The following HTR4 variants were observed in gnomAD, a reference collection of about 807,000 sequenced individuals.
HTR4 encodes the protein 5-hydroxytryptamine receptor 4.
In HTR4, 16 loss-of-function variants were observed where a neutral mutation model predicts 36.8. The ratio of observed to expected loss-of-function variants is 0.43; its 90% confidence interval spans 0.29 to 0.66. HTR4 has a LOEUF of 0.66. Ranked by LOEUF, HTR4 falls within the 30% of genes least tolerant of loss-of-function variation. HTR4 has a pLI of 0.13. For synonymous variants in HTR4, 189 were observed against 185.1 expected (o/e 1.02, Z -0.17); for missense variants, 438 against 490.9 (o/e 0.89, Z 1.02).
chr5:148,570,776 T>C (rs543753262), intron 2 of HTR4, among the ~76,000 whole-genome samples: 1 of 152,134 alleles, frequency 6.6e-6, no homozygotes. Flanking sequence ...TTTTGACCTA[T>C]CTGGTGTATA....
intron 4 of HTR4, among the ~76,000 whole-genome samples, chr5:148,528,959 C>A (rs2113808011): frequency 1.4e-5 from 2 of 144,098 alleles, no homozygotes; most frequent in South Asian, 2.6e-4. Flanking sequence ...TTTTTGCCAT[C>A]AAGAATAATG....
chr5:148,616,762 G>T (rs1043511211), intron 2 of HTR4, among the ~76,000 whole-genome samples: 1 of 139,654 alleles, frequency 7.2e-6, no homozygotes, highest in Non-Finnish European at 1.7e-5. Context: ...TACATACACA[G>T]ACAGATTTTT....
chr5:148,488,005 GT>G (rs1007928710), intron 6 of HTR4, among the ~76,000 whole-genome samples: 1 of 152,290 alleles, frequency 6.6e-6, no homozygotes, highest in East Asian at 1.9e-4. Flanking sequence ...ACAGAGCAAT[GT>G]TTTTTTAGGT....
At chr5:148,637,978 C>T (rs911459831) in intron 1 of HTR4, among the ~76,000 whole-genome samples, 3 of 152,270 alleles carry the variant, frequency 2.0e-5, no homozygotes, top group African/African-American at 4.8e-5. Context: ...ACTCCTAGCT[C>T]TGATATTCTA....
chr5:148,537,147 GT>G (rs1437068957), intron 4 of HTR4, among the ~76,000 whole-genome samples: 40 of 152,222 alleles, frequency 2.6e-4, no homozygotes, highest in African/African-American at 8.2e-4. Flanking sequence ...GTGTGGGTAA[GT>G]AATAAGATTA....
chr5:148,472,618 G>A (rs1755597551), downstream of HTR4, among the ~76,000 whole-genome samples: 2 of 152,124 alleles, frequency 1.3e-5, no homozygotes, highest in South Asian at 4.1e-4. Context: ...ATGTCCTGTG[G>A]AAAAATGTAT....
chr5:148,505,534 A>T (rs1485080427), intron 6 of HTR4, among the ~76,000 whole-genome samples: 1 of 152,204 alleles, frequency 6.6e-6, no homozygotes, highest in Non-Finnish European at 1.5e-5. Flanking sequence ...GCAATCAGGC[A>T]GGAGAAAGAA....
At chr5:148,523,906 C>A (rs1264615795) in intron 4 of HTR4, among the ~76,000 whole-genome samples, 1 of 152,134 alleles carries the variant, frequency 6.6e-6, no homozygotes, top group Non-Finnish European at 1.5e-5. Context: ...CCAGGCATAG[C>A]TCTACATCTG....
intron 6 of HTR4, among the ~76,000 whole-genome samples, chr5:148,507,527 AAAAT>A (rs1272659618): frequency 1.3e-5 from 2 of 152,058 alleles, no homozygotes; most frequent in African/African-American, 2.4e-5. Context: ...GTATAATAAA[AAAAT>A]AAATAAAATA....
At chr5:148,606,296 A>C (rs1752160971) in intron 2 of HTR4, among the ~76,000 whole-genome samples, 1 of 152,142 alleles carries the variant, frequency 6.6e-6, no homozygotes. Context: ...TGTAGTTTAC[A>C]TGATACAGCT....
chr5:148,530,657 G>C (rs900457133), intron 4 of HTR4, among the ~76,000 whole-genome samples: 5 of 152,164 alleles, frequency 3.3e-5, no homozygotes, highest in African/African-American at 1.2e-4. Flanking sequence ...AGTCCCTACT[G>C]GGGCACCAAC....
intron 2 of HTR4, among the ~76,000 whole-genome samples, chr5:148,577,278 C>A (rs1461086448): frequency 6.6e-6 from 1 of 152,038 alleles, no homozygotes; most frequent in African/African-American, 2.4e-5. Flanking sequence ...TACTATCTCA[C>A]ATCAGTCACA....
intron 6 of HTR4, 88 bp from the exon 7 acceptor site, chr5:148,483,381 C>A: frequency 8.7e-7 from 1 of 1,150,286 alleles, no homozygotes; most frequent in Non-Finnish European, 1.3e-6. Flanking sequence ...ATGGCAGGAA[C>A]ACTCTGTGCC....
At position 148,637,031 on chromosome 5, in the gene HTR4, G is replaced by A. The variant is rs1259190763; in HGVS notation, c.-17C>T. ...TTTGTCCATTACAGGAAATAAGCAT[G>A]AGTGAGTTGGATTTCAATGCCCACA... On this transcript the variant is annotated 5_prime_UTR_variant, in exon 2 of 7. Coordinates refer to ENST00000377888, the MANE Select transcript of HTR4 (RefSeq NM_000870.7). The A allele has an allele frequency of 1.2e-6, 2 of 1,610,510 alleles. No homozygotes were observed. Among genetic ancestry groups the A allele is most frequent in the South Asian group, 2.2e-5 (2 of 90,838 alleles).
intron 2 of HTR4, among the ~76,000 whole-genome samples, chr5:148,614,990 C>T (rs1207432672): frequency 3.9e-5 from 6 of 152,266 alleles, no homozygotes; most frequent in Admixed American, 2.0e-4. Flanking sequence ...GATACCATCT[C>T]ACACCAGTTA....
intron 2 of HTR4, among the ~76,000 whole-genome samples, chr5:148,626,905 A>C (rs1285567152): frequency 6.6e-6 from 1 of 152,136 alleles, no homozygotes; most frequent in East Asian, 1.9e-4. Context: ...TTTTTACCTG[A>C]ATGTTCCACA....
intron 2 of HTR4, among the ~76,000 whole-genome samples, chr5:148,571,578 A>T (rs1760679503): frequency 6.6e-6 from 1 of 152,022 alleles, no homozygotes; most frequent in African/African-American, 2.4e-5. Flanking sequence ...ATTTGTTTTT[A>T]AAAAGAGAGT....
chr5:148,653,915 C>T (rs1346456160), intron 1 of HTR4, 147 bp downstream of exon 1: 6 of 356,532 alleles, frequency 1.7e-5, no homozygotes, highest in Admixed American at 6.5e-5. Context: ...TGAGCCGCCC[C>T]GAAGCCCACC....
intron 2 of HTR4, 131 bp from the exon 3 acceptor site, chr5:148,550,393 G>T: frequency 2.0e-6 from 2 of 1,003,474 alleles, no homozygotes; most frequent in Non-Finnish European, 2.9e-6. Context: ...TTTATCATGC[G>T]TTTAATGTAC....
Sources: gnomAD v4.1 joint callset for allele counts (sites outside exome capture counted in the v4.1 genomes callset) on GRCh38, gnomAD v4.1.1 for gene constraint, MANE v1.5 for transcripts, NCBI Gene and HGNC (gene_info 2026-07-23, HGNC 2026-07-21) for gene names.